Variants in FAT3 observed in about 807,000 individuals in gnomAD.
FAT3 encodes the protein protocadherin Fat 3.
In FAT3, 95 loss-of-function variants were observed where a neutral mutation model predicts 310.2. That is an observed-to-expected ratio of 0.31 (90% CI 0.26 to 0.36). The LOEUF (loss-of-function observed/expected upper bound fraction) is 0.36. Ranked by LOEUF, FAT3 falls within the 10% of genes least tolerant of loss-of-function variation. The pLI is 1.00. For synonymous variants in FAT3, 2,314 were observed against 2,192.9 expected, an observed-to-expected ratio of 1.06 and a Z score of -1.54; for missense variants, 5,408 against 5,715.6, an observed-to-expected ratio of 0.95 and a Z score of 1.74.
In FAT3 at chr11:92,895,086, G is replaced by T. The variant is rs115791385; in HGVS notation, c.*3973G>T. The T allele has an allele frequency of 1.1e-3, 161 of 152,324 alleles. 2 individuals are homozygous for T. The highest frequency in any genetic ancestry group is 3.6e-3 in the African/African-American group (151 of 41,578). The allele number at this position is 152,324 out of a possible 1,614,324, so 9.4% of individuals were successfully genotyped here. A position where few individuals can be genotyped will look rare whatever the true frequency, so the allele number is the denominator to read the frequency against. Reference sequence around the variant, plus strand: ...ATCTAGTGTTCATTTTGCATGGATTGTCCAGATAATTGGCTCTTCACTCCG... The same window carrying T: ...ATCTAGTGTTCATTTTGCATGGATTTTCCAGATAATTGGCTCTTCACTCCG... On this transcript the variant is annotated 3_prime_UTR_variant, in exon 28 of 28. Coordinates refer to ENST00000525166, the MANE Select transcript of FAT3 (RefSeq NM_001367949.2).
chr11:92,406,042 G>T lies in FAT3; in HGVS notation c.3292+50638G>T, dbSNP rs571474767. On this transcript the variant is annotated intron_variant, in intron 2 of 27. Transcript: ENST00000525166. ...GAAATTTGAAATGTGTCTTGTTATT[G>T]TAAAAGCTGAGAAAAATCTTCATTC... Among the ~76,000 whole-genome samples, 37 of 152,284 alleles carry T rather than the reference G, an allele frequency of 2.4e-4. 1 individual carries two copies. Among genetic ancestry groups the T allele is most frequent in the Admixed American group, 2.1e-3 (32 of 15,292 alleles).
intron 2 of FAT3, chr11:92,403,148 A>G (rs1323177874): frequency 6.6e-6 from 1 of 152,238 alleles, no homozygotes; most frequent in Non-Finnish European, 1.5e-5. Context: ...CTGTCTCCAA[A>G]GAAAGAAAAA....
At chr11:92,498,334 G>T in intron 2 of FAT3, 1 of 238,324 alleles carries the variant, frequency 4.2e-6, no homozygotes, top group Non-Finnish European at 8.7e-6. Context: ...TAAATAGATC[G>T]GCAAGCCTTT....
In FAT3 at chr11:92,753,798, G is replaced by GTGTGTGTGTGTATATATATATATATATA; in HGVS notation, c.3670-8057_3670-8056insGTGTGTGTGTATATATATATATATATAT. 1.0e-3 allele frequency among the ~76,000 whole-genome samples: 123 copies of GTGTGTGTGTGTATATATATATATATATA among 119,134 alleles called. 4 individuals carry two copies. The highest frequency in any genetic ancestry group is 2.3e-3 in the African/African-American group (60 of 25,728). 78.2% of individuals were successfully genotyped at this position (119,134 alleles called of 152,430 possible). A position where few individuals can be genotyped will look rare whatever the true frequency, so the allele number is the denominator to read the frequency against. ...GGTGTGTGTGTGTGTGTGTGTGTGT[G>GTGTGTGTGTGTATATATATATATATATA]TATATATATATGGTGGAATACTACT... On this transcript the variant is annotated intron_variant, in intron 4 of 27. Transcript: ENST00000525166.
chr11:92,268,026 A>G (rs1190569926), intron 1 of FAT3, among the ~76,000 whole-genome samples: 2 of 151,162 alleles, frequency 1.3e-5, no homozygotes, highest in African/African-American at 4.9e-5. Flanking sequence ...TATTAAAGGA[A>G]TTTAAGTTAT....
At chr11:92,443,633 T>C (rs956101974) in intron 2 of FAT3, among the ~76,000 whole-genome samples, 1 of 152,192 alleles carries the variant, frequency 6.6e-6, no homozygotes, top group Non-Finnish European at 1.5e-5. Flanking sequence ...TCCTTAAACA[T>C]TACATTTTGA....
At chr11:92,328,843 T>C (rs1947833116) in intron 1 of FAT3, among the ~76,000 whole-genome samples, 1 of 151,974 alleles carries the variant, frequency 6.6e-6, no homozygotes, top group Non-Finnish European at 1.5e-5. Context: ...CATAGAGAAG[T>C]GGGGATATTT....
intron 3 of FAT3, among the ~76,000 whole-genome samples, chr11:92,568,237 T>C (rs1955542366): frequency 6.6e-6 from 1 of 152,100 alleles, no homozygotes; most frequent in African/African-American, 2.4e-5. Flanking sequence ...TTGCAATTTC[T>C]AAATACGTTT....
intron 2 of FAT3, among the ~76,000 whole-genome samples, chr11:92,431,642 T>A (rs1043936397): frequency 3.3e-5 from 5 of 152,228 alleles, no homozygotes; most frequent in Admixed American, 3.3e-4. Context: ...TTTATGGTTT[T>A]AGGTCTAACA....
chr11:92,754,597 C>T (rs1945932404), intron 4 of FAT3, among the ~76,000 whole-genome samples: 1 of 121,172 alleles, frequency 8.3e-6, no homozygotes, highest in Non-Finnish European at 1.6e-5. Flanking sequence ...CATTGCACTC[C>T]AGCCTGGGCG....
chr11:92,377,347 A>G (rs1317144562), intron 2 of FAT3, among the ~76,000 whole-genome samples: 1 of 152,222 alleles, frequency 6.6e-6, no homozygotes, highest in Non-Finnish European at 1.5e-5. Context: ...TTTCTTAAAA[A>G]TAGAGCTGTG....
intron 3 of FAT3, among the ~76,000 whole-genome samples, chr11:92,671,951 C>CA (rs1565501747): frequency 1.3e-5 from 2 of 151,884 alleles, no homozygotes; most frequent in African/African-American, 2.4e-5. Flanking sequence ...ACTAAAAATA[C>CA]AAAAAATAAT....
chr11:92,555,420 T>C (rs1363799593), intron 3 of FAT3, among the ~76,000 whole-genome samples: 10 of 152,232 alleles, frequency 6.6e-5, no homozygotes, highest in Admixed American at 5.2e-4. Flanking sequence ...CTGTGGTTAT[T>C]TGAAGATGTT....
chr11:92,817,182 C>A (rs1166390421), intron 13 of FAT3, among the ~76,000 whole-genome samples: 1 of 151,928 alleles, frequency 6.6e-6, no homozygotes, highest in African/African-American at 2.4e-5. Flanking sequence ...TGAGGAGATG[C>A]AGGAGTTTGT....
intron 1 of FAT3, among the ~76,000 whole-genome samples, chr11:92,301,388 G>A (rs1373859981): frequency 1.3e-5 from 2 of 152,126 alleles, no homozygotes; most frequent in East Asian, 3.9e-4. Flanking sequence ...CCTGCTCACT[G>A]GGATGGAGGT....
intron 13 of FAT3, among the ~76,000 whole-genome samples, chr11:92,824,671 A>G (rs897998285): frequency 3.3e-5 from 5 of 152,184 alleles, no homozygotes; most frequent in Non-Finnish European, 7.3e-5. Context: ...ATTTATTACA[A>G]ACATAGTGTG....
intron 2 of FAT3, among the ~76,000 whole-genome samples, chr11:92,369,719 C>T (rs923599707): frequency 5.3e-5 from 8 of 152,096 alleles, no homozygotes; most frequent in East Asian, 1.9e-4. Context: ...TGGTAGCACA[C>T]GCCTGTAGTC....
At chr11:92,572,950 C>G (rs780572836) in intron 3 of FAT3, among the ~76,000 whole-genome samples, 69 of 152,096 alleles carry the variant, frequency 4.5e-4, no homozygotes, top group Non-Finnish European at 1.8e-4. Flanking sequence ...ATATCCATGT[C>G]AAAATTGAGA....
In FAT3 at chr11:92,799,130, A is replaced by G. The variant is rs944113084; in HGVS notation, c.6117A>G (p.Gly2039=). 32 of 1,613,984 alleles carry G rather than the reference A, an allele frequency of 2.0e-5. No homozygotes were observed. Among genetic ancestry groups the G allele is most frequent in the Non-Finnish European group, 2.7e-5 (32 of 1,179,868 alleles). The change falls in exon 10 of 28, where the codon GGA becomes GGG. Residue 2039 remains glycine, a synonymous_variant. Coordinates refer to ENST00000525166, the MANE Select transcript of FAT3 (RefSeq NM_001367949.2). ...CCTCAGGGGTCATTCAGACGACTGGAGTCCCCTTTGACCGTGAAGAACAAG... is the reference window on the plus strand; with the variant it reads ...CCTCAGGGGTCATTCAGACGACTGGGGTCCCCTTTGACCGTGAAGAACAAG... ...KSTSGVIQTT[G]VPFDREEQEL...
Sources: gnomAD v4.1 joint callset for allele counts (sites outside exome capture counted in the v4.1 genomes callset) on GRCh38, gnomAD v4.1.1 for gene constraint, MANE v1.5 for transcripts, NCBI Gene and HGNC (gene_info 2026-07-23, HGNC 2026-07-21) for gene names.